The following SLC5A9 variants were observed in gnomAD, a reference collection of about 807,000 sequenced individuals.
SLC5A9 encodes the protein solute carrier family 5 member 9.
In SLC5A9, 59 loss-of-function variants were observed where a neutral mutation model predicts 70.9. The observed-to-expected ratio is 0.83, with a 90% CI of 0.68 to 1.03. The LOEUF (loss-of-function observed/expected upper bound fraction) is 1.03. Ranked by LOEUF, SLC5A9 falls within the 50% of genes least tolerant of loss-of-function variation. The probability of loss-of-function intolerance (pLI) is 0.00; values close to 1 mark genes in which losing one functional copy is unlikely to be tolerated. For synonymous variants in SLC5A9, 340 were observed against 346.5 expected (o/e 0.98, Z 0.21); for missense variants, 832 against 881.1 (o/e 0.94, Z 0.71).
At chr1:48,244,934 C>A (rs1644443917) in intron 13 of SLC5A9, among the ~76,000 whole-genome samples, 1 of 93,820 alleles carries the variant, frequency 1.1e-5, no homozygotes, top group Non-Finnish European at 2.1e-5. Context: ...AGAAGGTTGC[C>A]AAGGGAATCA....
At chr1:48,242,128 A>C in intron 12 of SLC5A9, 1 of 474,466 alleles carries the variant, frequency 2.1e-6, no homozygotes, top group Admixed American at 2.4e-5. Context: ...TGACCTTTGA[A>C]GACTTGTTCT....
rs138342839 is a variant in SLC5A9 at position 48,232,066 on chromosome 1, G to A, written c.812G>A (p.Arg271Gln). 3.5e-5 allele frequency: 57 copies of A among 1,614,048 alleles called. No homozygotes were observed. The highest frequency in any genetic ancestry group is 8.0e-5 in the African/African-American group (6 of 75,034). Reference sequence around the variant, plus strand: ...CGGCCCGATGCTTTCCACATTCTTCGGGACCCTGTGAGCGGGGACATCCCT... The same window carrying A: ...CGGCCCGATGCTTTCCACATTCTTCAGGACCCTGTGAGCGGGGACATCCCT... ...LPRPDAFHIL[R>Q]DPVSGDIPWP... The change falls in exon 7 of 14, where the codon CGG becomes CAG. Residue 271 changes from arginine (R) to glutamine (Q), a missense_variant. Physicochemically the swap from Arg to Gln is conservative, Grantham distance 43. Coordinates refer to ENST00000438567, the MANE Select transcript of SLC5A9 (RefSeq NM_001011547.3).
Position 48,230,690 on chromosome 1 carries a change from G to A in SLC5A9, c.595G>A (p.Val199Ile), listed in dbSNP as rs200783955. 159 of 1,613,180 alleles carry A rather than the reference G, an allele frequency of 9.9e-5. No individual in the cohort carries two copies. The highest frequency in any genetic ancestry group is 3.3e-4 in the Middle Eastern group (2 of 6,082). ...STGILLVVTA[V>I]YTIAGGLMAV... is the part of the protein sequence containing the mutation. Reference sequence around the variant, plus strand: ...AGGGATCCTGCTGGTGGTGACTGCCGTCTACACCATTGCAGGTAGGCAGAG... The same window carrying A: ...AGGGATCCTGCTGGTGGTGACTGCCATCTACACCATTGCAGGTAGGCAGAG... The change falls in exon 5 of 14, where the codon GTC becomes ATC. Residue 199 changes from valine (V) to isoleucine (I), a missense_variant. Transcript: ENST00000438567.
intron 2 of SLC5A9, chr1:48,228,593 C>T: frequency 2.0e-6 from 1 of 489,566 alleles, no homozygotes. Context: ...TCCCTTTTTT[C>T]CCACTTCACC....
chr1:48,231,393 A>G lies in SLC5A9; in HGVS notation c.611-152A>G, dbSNP rs1644244890. ...CTGCCGGGGAGGGAGAGAGGGGAAC[A>G]CTAGGTGCGGAGAAAGGCAGTGGCC... On this transcript the variant is annotated intron_variant, in intron 5 of 13. Transcript: ENST00000438567. 3.1e-6 allele frequency: 3 copies of G among 958,174 alleles called. No individual in the cohort carries two copies. In the East Asian group the frequency reaches 8.0e-5, roughly 26 times the overall value. The allele number at this position is 958,174 out of a possible 1,614,324, so 59.4% of individuals were successfully genotyped here.
At chr1:48,243,105 G>A (rs866388402) in intron 13 of SLC5A9, among the ~76,000 whole-genome samples, 1 of 152,010 alleles carries the variant, frequency 6.6e-6, no homozygotes, top group Non-Finnish European at 1.5e-5. Context: ...TTACACCCAC[G>A]GTGTTTCCTC....
intron 13 of SLC5A9, among the ~76,000 whole-genome samples, chr1:48,246,358 G>A (rs995343413): frequency 6.6e-6 from 1 of 152,080 alleles, no homozygotes; most frequent in African/African-American, 2.4e-5. Flanking sequence ...AGACCAGATG[G>A]CATCCAAGGT....
In SLC5A9 at chr1:48,239,539, CA is replaced by C; in HGVS notation, c.1677+4del. 1 of 1,613,764 alleles carries C rather than the reference CA, an allele frequency of 6.2e-7. No individual in the cohort carries two copies. The highest frequency in any genetic ancestry group is 8.5e-7 in the Non-Finnish European group (1 of 1,179,636). ...ACAACTCCCATCCCTGAGGAACAGG[CA>C]AGTGTTGTGCTCATACTGAGGCCCT... On this transcript the variant is annotated splice_donor_region_variant and intron_variant, in intron 12 of 13. Transcript: ENST00000438567. This position sits in a 1 kb window ranked among gnomAD's most constrained non-coding sequence, Gnocchi z 4.2.
chr1:48,244,727 A>T (rs990190702), intron 13 of SLC5A9, among the ~76,000 whole-genome samples: 5 of 135,862 alleles, frequency 3.7e-5, no homozygotes, highest in African/African-American at 1.1e-4. Context: ...TATATATATA[A>T]AATATATAAT....
At position 48,228,879 on chromosome 1, in the gene SLC5A9, G is replaced by T; in HGVS notation, c.264G>T (p.Val88=). 5.0e-6 allele frequency: 8 copies of T among 1,613,838 alleles called. No individual in the cohort carries two copies. Among genetic ancestry groups the T allele is most frequent in the Non-Finnish European group, 5.9e-6 (7 of 1,179,960 alleles). Residue 88 remains valine (V), a synonymous_variant, in exon 3 of 14, where the codon GTG becomes GTT. Coordinates refer to ENST00000438567, the MANE Select transcript of SLC5A9 (RefSeq NM_001011547.3). The part of the protein sequence containing the change: ...PIGASLMSSN[V]GSGLFIGLAG... ...GAGCATCTCTGATGTCCAGCAATGT[G>T]GGCAGTGGCTTGTTCATCGGCCTGG...
chr1:48,222,971 C>A, intron 1 of SLC5A9, 73 bp downstream of exon 1: 1 of 1,523,108 alleles, frequency 6.6e-7, no homozygotes, highest in Non-Finnish European at 9.0e-7. Context: ...GGCTGTGGAG[C>A]TGGGGCAGGG....
intron 2 of SLC5A9, among the ~76,000 whole-genome samples, chr1:48,226,821 T>C (rs75739004): frequency 5.3e-5 from 8 of 152,118 alleles, no homozygotes; most frequent in Non-Finnish European, 1.2e-4. Context: ...GCCTCACTGC[T>C]CCAAGAACTG....
In SLC5A9 at chr1:48,239,906, C is replaced by G. The variant is rs1644372974; in HGVS notation, c.1677+369C>G. Among the ~76,000 whole-genome samples, 1 of 152,214 alleles carries G rather than the reference C, an allele frequency of 6.6e-6. No homozygotes were observed. The highest frequency in any genetic ancestry group is 1.5e-5 in the Non-Finnish European group (1 of 68,040). ...CAAGAACAGAGGGAGAGGCAGTCAC[C>G]TCCTGGGGGCCCAGGGAGGGCACAC... is the stretch of plus-strand genomic sequence containing the variant. On this transcript the variant is annotated intron_variant, in intron 12 of 13. Transcript: ENST00000438567. The surrounding 1 kb of genome is among the most constrained non-coding windows in gnomAD (Gnocchi z 4.2).
intron 1 of SLC5A9, among the ~76,000 whole-genome samples, 193 bp downstream of exon 1, chr1:48,223,091 G>A (rs1017964637): frequency 6.6e-6 from 1 of 152,024 alleles, no homozygotes; most frequent in Non-Finnish European, 1.5e-5. Flanking sequence ...GGTGTGGCTG[G>A]TCTGAGGTCA....
intron 13 of SLC5A9, among the ~76,000 whole-genome samples, chr1:48,243,802 A>G (rs1387291283): frequency 2.6e-5 from 4 of 152,220 alleles, no homozygotes; most frequent in African/African-American, 9.6e-5. Flanking sequence ...TAAGTTTGCA[A>G]ATTAAAGTCC....
intron 2 of SLC5A9, 70 bp from the exon 3 acceptor site, chr1:48,228,780 C>T (rs1569821873): frequency 1.3e-6 from 2 of 1,591,910 alleles, no homozygotes; most frequent in East Asian, 2.3e-5. Flanking sequence ...CCTCACTACT[C>T]ATGGTCCTCG....
chr1:48,232,127 CACCTGGTGTTGGTGCACAG>C lies in SLC5A9; in HGVS notation c.877_895del (p.Trp293ArgfsTer26). The C allele has an allele frequency of 6.2e-7, 1 of 1,613,746 alleles. No individual in the cohort carries two copies. Among genetic ancestry groups the C allele is most frequent in the Non-Finnish European group, 8.5e-7 (1 of 1,179,764 alleles). On this transcript the variant is annotated frameshift_variant, in exon 7 of 14. Coordinates refer to ENST00000438567, the MANE Select transcript of SLC5A9 (RefSeq NM_001011547.3). LOFTEE classifies it high-confidence loss of function. ...TCATTTTCGGGCTCACAGTGCTGGCCACCTGGTGTTGGTGCACAGACCAGGTAATCCCCCAGCCAGGCTT... is the reference window on the plus strand; with the variant it reads ...TCATTTTCGGGCTCACAGTGCTGGCCACCAGGTAATCCCCCAGCCAGGCTT...
At chr1:48,247,266 T>A in intron 13 of SLC5A9, 69 bp from the exon 14 acceptor site, 1 of 1,455,040 alleles carries the variant, frequency 6.9e-7, no homozygotes, top group Non-Finnish European at 9.5e-7. Flanking sequence ...CTCCTATCAC[T>A]TTCCTTTCTC....
chr1:48,223,338 T>G (rs72904027), intron 1 of SLC5A9, among the ~76,000 whole-genome samples: 1,909 of 152,236 alleles, frequency 0.013, 40 homozygotes, highest in African/African-American at 0.043. Flanking sequence ...CAGGGAAGTG[T>G]GCCAGGCTTA....
Sources: allele counts gnomAD v4.1 joint callset (sites outside exome capture counted in the v4.1 genomes callset), GRCh38; gene constraint gnomAD v4.1.1; non-coding constraint Gnocchi (gnomAD v3.1); transcripts MANE v1.5; gene names NCBI Gene and HGNC (gene_info 2026-07-23, HGNC 2026-07-21).